Variants in XPO6 observed in about 807,000 individuals in gnomAD.
XPO6 encodes the protein exportin-6.
Under a neutral mutation model 130.0 loss-of-function variants are expected in XPO6, and 3 were observed. The ratio of observed to expected loss-of-function variants is 0.02; its 90% CI spans 0.01 to 0.06. XPO6 has a LOEUF of 0.06. XPO6 is among the 10% of genes least tolerant of loss of function. The probability of loss-of-function intolerance (pLI) is 1.00; values close to 1 mark genes in which losing one functional copy is unlikely to be tolerated. For synonymous variants in XPO6, 524 were observed against 548.9 expected, an observed-to-expected ratio of 0.95 and a Z score of 0.63; for missense variants, 970 against 1,393.0, an observed-to-expected ratio of 0.70 and a Z score of 4.83.
chr16:28,186,333 G>C (rs962465457), intron 1 of XPO6, among the ~76,000 whole-genome samples: 2 of 132,646 alleles, frequency 1.5e-5, no homozygotes, highest in Middle Eastern at 4.0e-3. Context: ...TTTACCGCCA[G>C]ATAAATTCTC....
At chr16:28,207,162 T>A (rs6498073) in intron 1 of XPO6, among the ~76,000 whole-genome samples, 1 of 151,648 alleles carries the variant, frequency 6.6e-6, no homozygotes, top group South Asian at 2.1e-4. Context: ...GCAGGAGAAT[T>A]GCTTGAACCT....
At chr16:28,207,776 C>T (rs1447711859) in intron 1 of XPO6, among the ~76,000 whole-genome samples, 1 of 152,170 alleles carries the variant, frequency 6.6e-6, no homozygotes, top group African/African-American at 2.4e-5. Flanking sequence ...CAGGTCTGTC[C>T]ATCTCCCGCT....
intron 1 of XPO6, among the ~76,000 whole-genome samples, chr16:28,186,686 T>TC (rs2043701410): frequency 6.6e-6 from 1 of 151,106 alleles, no homozygotes; most frequent in Admixed American, 6.6e-5. Context: ...TTTTTTTTTT[T>TC]TAGAGACAGA....
chr16:28,195,073 T>G (rs1247681726), intron 1 of XPO6, among the ~76,000 whole-genome samples: 4 of 151,906 alleles, frequency 2.6e-5, no homozygotes, highest in Middle Eastern at 3.4e-3. Context: ...GGCTTCAACA[T>G]GACACCGACC....
chr16:28,171,452 C>CAAAAAAAAAAA (rs36000498), intron 4 of XPO6, among the ~76,000 whole-genome samples: 1 of 99,088 alleles, frequency 1.0e-5, no homozygotes, highest in African/African-American at 4.1e-5. Flanking sequence ...GACTCTGTCT[C>CAAAAAAAAAAA]AAAAAAAAAA....
chr16:28,151,179 TAAA>T (rs57769506), intron 8 of XPO6, among the ~76,000 whole-genome samples: 4 of 106,766 alleles, frequency 3.7e-5, no homozygotes, highest in Admixed American at 1.1e-4. Context: ...CACTAGTGGT[TAAA>T]AAAAAAAAAA....
At chr16:28,143,786 G>T (rs1290581705) in intron 9 of XPO6, among the ~76,000 whole-genome samples, 1 of 152,048 alleles carries the variant, frequency 6.6e-6, no homozygotes, top group Admixed American at 6.5e-5. Context: ...ACAGATGCCT[G>T]CCACCACGCC....
intron 6 of XPO6, among the ~76,000 whole-genome samples, chr16:28,158,646 C>T (rs149834040): frequency 3.0e-4 from 45 of 152,138 alleles, no homozygotes; most frequent in African/African-American, 9.6e-4. Flanking sequence ...GTCAAGGGAC[C>T]CCAAGACCCA....
At chr16:28,195,622 G>A (rs1450229328) in intron 1 of XPO6, among the ~76,000 whole-genome samples, 5 of 152,136 alleles carry the variant, frequency 3.3e-5, no homozygotes, top group South Asian at 2.1e-4. Context: ...GTGTGGTGGC[G>A]TGAGCCTGTA....
At chr16:28,153,644 T>C in intron 7 of XPO6, 3 of 985,452 alleles carry the variant, frequency 3.0e-6, no homozygotes, top group Non-Finnish European at 3.6e-6. Context: ...AACTGTCATT[T>C]TAAGCCCCTA....
At chr16:28,144,243 G>A (rs2042944547) in intron 9 of XPO6, among the ~76,000 whole-genome samples, 1 of 152,170 alleles carries the variant, frequency 6.6e-6, no homozygotes, top group African/African-American at 2.4e-5. Context: ...CATGTGACCT[G>A]ACACCATAGC....
intron 8 of XPO6, chr16:28,146,419 G>A: frequency 4.1e-6 from 2 of 491,922 alleles, no homozygotes; most frequent in Non-Finnish European, 7.3e-6. Context: ...ACATCATGAG[G>A]GAGATACTGT....
At position 28,098,598 on chromosome 16, in the gene XPO6, G is replaced by A. The variant is rs552706253; in HGVS notation, c.3318C>T (p.Asn1106=). ...TGCAGAGTCTGTAGTAGCGCAGGTC[G>A]TTGACCAGCCTGTGCACATTCTGGG... ...SFTQNVHRLV[N]DLRYYRLCND... is the part of the protein sequence containing the mutation. Residue 1106 remains asparagine (N), a synonymous_variant, in exon 24 of 24, where the codon AAC becomes AAT. Coordinates refer to ENST00000304658, the MANE Select transcript of XPO6 (RefSeq NM_015171.4). 1.7e-5 allele frequency: 27 copies of A among 1,612,588 alleles called. No homozygotes were observed. The highest frequency in any genetic ancestry group is 2.0e-5 in the Non-Finnish European group (23 of 1,179,196).
At chr16:28,200,295 CTT>C (rs900308199) in intron 1 of XPO6, among the ~76,000 whole-genome samples, 3 of 152,166 alleles carry the variant, frequency 2.0e-5, no homozygotes, top group Non-Finnish European at 4.4e-5. Context: ...GACCAGAGAT[CTT>C]TTTCATTATA....
At chr16:28,198,534 C>T (rs1046550554) in intron 1 of XPO6, among the ~76,000 whole-genome samples, 9 of 151,966 alleles carry the variant, frequency 5.9e-5, no homozygotes, top group Admixed American at 2.0e-4. Context: ...CCAGGAACAA[C>T]GGCTCACACC....
chr16:28,133,036 A>G (rs1305510124), intron 11 of XPO6, among the ~76,000 whole-genome samples: 1 of 152,218 alleles, frequency 6.6e-6, no homozygotes, highest in Non-Finnish European at 1.5e-5. Context: ...GGGTCATTCA[A>G]TGCAAAAGAT....
chr16:28,196,719 G>A (rs902216662), intron 1 of XPO6, among the ~76,000 whole-genome samples: 3 of 152,144 alleles, frequency 2.0e-5, no homozygotes, highest in Non-Finnish European at 4.4e-5. Flanking sequence ...GAGTTCGGGG[G>A]GTGAGGGTAA....
In XPO6 at chr16:28,166,592, A is replaced by G. The variant is rs1254237411; in HGVS notation, c.566-7T>C. The G allele has an allele frequency of 6.3e-7, 1 of 1,575,284 alleles. No homozygotes were observed. Among genetic ancestry groups the G allele is most frequent in the Non-Finnish European group, 8.6e-7 (1 of 1,158,584 alleles). On this transcript the variant is annotated splice_polypyrimidine_tract_variant and splice_region_variant and intron_variant, in intron 5 of 23. Coordinates refer to ENST00000304658, the MANE Select transcript of XPO6 (RefSeq NM_015171.4). The stretch of plus-strand genomic sequence containing the variant: ...CAGACAGTCTCCAAGATACCTACCA[A>G]GAAAGGAGAAACAGAGTTATAAGAG...
chr16:28,103,448 A>C (rs1471387263), intron 21 of XPO6, among the ~76,000 whole-genome samples: 2 of 152,238 alleles, frequency 1.3e-5, no homozygotes, highest in Admixed American at 6.5e-5. Flanking sequence ...TATAAACATC[A>C]GTGTACAGGT....
Sources: allele counts gnomAD v4.1 joint callset (sites outside exome capture counted in the v4.1 genomes callset), GRCh38; gene constraint gnomAD v4.1.1; transcripts MANE v1.5; gene names NCBI Gene and HGNC (gene_info 2026-07-23, HGNC 2026-07-21).